Variants in CADM2 observed in about 807,000 individuals in gnomAD.
CADM2 encodes the protein cell adhesion molecule 2.
A neutral mutation model predicts 49.8 loss-of-function variants in CADM2; 12 were observed. The ratio of observed to expected loss-of-function variants is 0.24; its 90% CI spans 0.15 to 0.39. CADM2 has a LOEUF of 0.39. Among genes scored for constraint, CADM2 ranks in the 10% least tolerant of loss-of-function variants. CADM2 has a pLI of 1.00. For missense variants in CADM2, 378 were observed against 492.3 expected, an observed-to-expected ratio of 0.77 and a Z score of 2.20; for synonymous variants, 214 against 175.4, an observed-to-expected ratio of 1.22 and a Z score of -1.74.
intron 8 of CADM2, among the ~76,000 whole-genome samples, chr3:86,061,096 C>CA: frequency 6.6e-6 from 1 of 151,854 alleles, no homozygotes; most frequent in African/African-American, 2.4e-5. Flanking sequence ...AACATTAATG[C>CA]AAACATATGA....
intron 1 of CADM2, among the ~76,000 whole-genome samples, chr3:85,501,987 T>C (rs2040137076): frequency 6.6e-6 from 1 of 151,898 alleles, no homozygotes. Context: ...ATTCTTCTTC[T>C]AAGAAAGCAT....
At chr3:86,032,112 G>A (rs991124211) in intron 8 of CADM2, among the ~76,000 whole-genome samples, 1 of 151,366 alleles carries the variant, frequency 6.6e-6, no homozygotes. Context: ...TATAATTTAG[G>A]GATGGACACT....
chr3:85,402,277 A>G (rs927765998), intron 1 of CADM2, among the ~76,000 whole-genome samples: 2 of 152,010 alleles, frequency 1.3e-5, no homozygotes, highest in African/African-American at 2.4e-5. Context: ...ATTAGAAACC[A>G]TAATAGTATT....
At chr3:85,455,250 T>C (rs1177973986) in intron 1 of CADM2, among the ~76,000 whole-genome samples, 1 of 152,242 alleles carries the variant, frequency 6.6e-6, no homozygotes, top group Non-Finnish European at 1.5e-5. Flanking sequence ...CTCTTTGAAT[T>C]CATAAGTAAA....
In CADM2 at chr3:86,000,574, A is replaced by G. The variant is rs149858725; in HGVS notation, c.970+38927A>G. ...CCTAGGGAAGTGATATTTGCTAGATATGAGGGACTTGAGTAAGATGTGAAG... is the reference window on the plus strand; with the variant it reads ...CCTAGGGAAGTGATATTTGCTAGATGTGAGGGACTTGAGTAAGATGTGAAG... On this transcript the variant is annotated intron_variant, in intron 8 of 9. Transcript: ENST00000383699. Among the ~76,000 whole-genome samples, 264 of 152,204 alleles carry G rather than the reference A, an allele frequency of 1.7e-3. 2 individuals carry two copies. Among genetic ancestry groups the G allele is most frequent in the African/African-American group, 6.0e-3 (248 of 41,548 alleles).
At chr3:85,198,117 A>C (rs1228197897) in intron 1 of CADM2, among the ~76,000 whole-genome samples, 1 of 151,858 alleles carries the variant, frequency 6.6e-6, no homozygotes, top group African/African-American at 2.4e-5. Context: ...AGTGTCTTTA[A>C]CATAGTTATA....
intron 1 of CADM2, among the ~76,000 whole-genome samples, chr3:85,112,713 G>A (rs75959036): frequency 0.018 from 2,797 of 151,662 alleles, 80 homozygotes; most frequent in African/African-American, 0.063. Flanking sequence ...TAAAATAACA[G>A]TAATATTAGA....
intron 1 of CADM2, among the ~76,000 whole-genome samples, chr3:85,112,664 A>G (rs1330738985): frequency 1.3e-5 from 2 of 151,826 alleles, no homozygotes; most frequent in African/African-American, 4.8e-5. Flanking sequence ...CCAAAATTAT[A>G]TTAACTCTAC....
chr3:85,671,248 C>T (rs1298629658), intron 1 of CADM2, among the ~76,000 whole-genome samples: 4 of 152,150 alleles, frequency 2.6e-5, no homozygotes, highest in Non-Finnish European at 1.5e-5. Flanking sequence ...CTGTAGCTTA[C>T]AATCACAGAG....
At chr3:85,909,673 A>C (rs1054141197) in intron 5 of CADM2, among the ~76,000 whole-genome samples, 1 of 152,176 alleles carries the variant, frequency 6.6e-6, no homozygotes, top group Non-Finnish European at 1.5e-5. Context: ...TTGCATTTTG[A>C]GAAGGCTATT....
intron 1 of CADM2, among the ~76,000 whole-genome samples, chr3:85,183,113 C>G (rs2040975641): frequency 6.6e-6 from 1 of 152,024 alleles, no homozygotes. Flanking sequence ...TAAAATGATA[C>G]TCTCAAATTA....
At chr3:85,983,991 A>G (rs1400490302) in intron 8 of CADM2, among the ~76,000 whole-genome samples, 1 of 150,386 alleles carries the variant, frequency 6.6e-6, no homozygotes, top group Non-Finnish European at 1.5e-5. Context: ...GATTATATAT[A>G]TACATATGTG....
chr3:85,840,629 C>T (rs1450289191), intron 3 of CADM2, among the ~76,000 whole-genome samples: 1 of 151,830 alleles, frequency 6.6e-6, no homozygotes, highest in Non-Finnish European at 1.5e-5. Context: ...CCTGTATTCT[C>T]TTTTCAGAAA....
intron 1 of CADM2, among the ~76,000 whole-genome samples, chr3:85,687,242 T>G (rs1440282874): frequency 1.3e-5 from 2 of 152,236 alleles, no homozygotes; most frequent in African/African-American, 4.8e-5. Context: ...TTATGTTTAC[T>G]TACTAATTGA....
chr3:84,999,377 A>G (rs932813498), intron 1 of CADM2, among the ~76,000 whole-genome samples: 14 of 152,146 alleles, frequency 9.2e-5, no homozygotes, highest in Non-Finnish European at 1.8e-4. Context: ...TTGAATCATT[A>G]TCATTGAACT....
intron 1 of CADM2, among the ~76,000 whole-genome samples, chr3:85,111,709 CAAT>C (rs1276443782): frequency 6.6e-6 from 1 of 151,402 alleles, no homozygotes; most frequent in Non-Finnish European, 1.5e-5. Flanking sequence ...TGACTGTAGT[CAAT>C]AATAACTTAA....
intron 2 of CADM2, among the ~76,000 whole-genome samples, chr3:85,789,732 CAA>C (rs914502877): frequency 6.6e-6 from 1 of 151,974 alleles, no homozygotes; most frequent in African/African-American, 2.4e-5. Context: ...TTAATAAAAA[CAA>C]AATATATTTT....
chr3:85,689,298 T>C (rs566488299), intron 1 of CADM2, among the ~76,000 whole-genome samples: 1 of 152,362 alleles, frequency 6.6e-6, no homozygotes, highest in East Asian at 1.9e-4. Flanking sequence ...ATTTAAAGTC[T>C]GTGCAGTTCA....
chr3:85,318,468 C>T (rs9815112), intron 1 of CADM2, among the ~76,000 whole-genome samples: 140 of 152,036 alleles, frequency 9.2e-4, no homozygotes, highest in African/African-American at 3.2e-3. Context: ...AAATTCTGAA[C>T]CTAGAGCCAT....
Sources: allele counts gnomAD v4.1 joint callset (sites outside exome capture counted in the v4.1 genomes callset), GRCh38; gene constraint gnomAD v4.1.1; transcripts MANE v1.5; gene names NCBI Gene and HGNC (gene_info 2026-07-23, HGNC 2026-07-21).